The following PLD3 variants were observed in gnomAD, a reference collection of about 807,000 sequenced individuals.
The protein encoded by PLD3 is phospholipase D family member 3, also known as 5'-3' exonuclease PLD3.
PLD3 carries 31 observed loss-of-function variants against 58.4 expected under a neutral mutation model. That is an observed-to-expected ratio of 0.53 (90% CI 0.40 to 0.72). The LOEUF (loss-of-function observed/expected upper bound fraction) is 0.72. PLD3 is among the 30% of genes least tolerant of loss of function. PLD3 has a pLI of 0.00. For missense variants in PLD3, 595 were observed against 659.8 expected, an observed-to-expected ratio of 0.90 and a Z score of 1.08; for synonymous variants, 264 against 273.4, an observed-to-expected ratio of 0.97 and a Z score of 0.34.
In PLD3 at chr19:40,367,737, C is replaced by T. The variant is rs1362848241; in HGVS notation, c.287C>T (p.Pro96Leu). 3.1e-6 allele frequency: 5 copies of T among 1,613,812 alleles called. No individual in the cohort carries two copies. Among genetic ancestry groups the T allele is most frequent in the East Asian group, 2.2e-5 (1 of 44,864 alleles). Reference protein sequence around the residue: ...VESIPEGLDFPNASTGNPSTS... With the variant: ...VESIPEGLDFLNASTGNPSTS... ...AGCATTCCTGAGGGCCTGGACTTCC[C>T]CAATGCCTCCACGGGGAACCCTTCC... is the stretch of plus-strand genomic sequence containing the variant. The change falls in exon 6 of 13, where the codon CCC becomes CTC. Residue 96 changes from proline (P) to leucine (L), a missense_variant. Pro to Leu is a moderately conservative substitution (Grantham distance 98). Coordinates refer to ENST00000409735, the MANE Select transcript of PLD3 (RefSeq NM_012268.4).
Position 40,367,827 on chromosome 19 carries a change from A to G in PLD3, c.377A>G (p.Tyr126Cys), listed in dbSNP as rs2078967748. 6.3e-7 allele frequency: 1 copy of G among 1,591,322 alleles called. No homozygotes were observed. The highest frequency in any genetic ancestry group is 8.5e-7 in the Non-Finnish European group (1 of 1,169,994). ...AGCAGCCTGGACATCGCCTCCTTCT[A>G]CTGGACCCTCACCAACAATGACACC... ...AHSSLDIASF[Y>C]WTLTNNDTHT... The change falls in exon 6 of 13, where the codon TAC (tyrosine) becomes TGC (cysteine). Residue 126 changes from tyrosine (Y) to cysteine (C), a missense_variant. Transcript: ENST00000409735.
intron 6 of PLD3, 96 bp from the exon 7 acceptor site, chr19:40,369,812 T>G: frequency 8.5e-7 from 1 of 1,174,262 alleles, no homozygotes; most frequent in Non-Finnish European, 1.2e-6. Context: ...GTCTGTTTAC[T>G]CCTAATCATG....
intron 6 of PLD3, among the ~76,000 whole-genome samples, chr19:40,368,097 G>T (rs2078974383): frequency 6.6e-6 from 1 of 152,168 alleles, no homozygotes; most frequent in African/African-American, 2.4e-5. Context: ...ATGTCAGGGT[G>T]CGGGTTTGGT....
rs375064013 is a variant in PLD3 at position 40,373,609 on chromosome 19, G to T, written c.880-872G>T. ...AAAAAAGGGGGGGAAGCGGGGGAGC[G>T]GGGGAACTGGGAAGAGGGCCTGGTG... On this transcript the variant is annotated intron_variant, in intron 9 of 12. Transcript: ENST00000409735. Among the ~76,000 whole-genome samples, 11 of 151,100 alleles carry T rather than the reference G, an allele frequency of 7.3e-5. No individual in the cohort carries two copies. In the South Asian group the frequency reaches 2.3e-3, roughly 32 times the overall value.
Position 40,371,680 on chromosome 19 carries a change from A to C in PLD3, c.686A>C (p.Glu229Ala). Reference protein sequence around the residue: ...MDWRSLTQVKELGVVMYNCSC... With the variant: ...MDWRSLTQVKALGVVMYNCSC... The stretch of plus-strand genomic sequence containing the variant: ...AGCACTGCCCTCCTACAGGTCAAGG[A>C]GCTGGGCGTGGTCATGTACAACTGC... Residue 229 changes from glutamate (E) to alanine (A), a missense_variant, in exon 9 of 13, where the codon GAG (glutamate) becomes GCG (alanine). Physicochemically the swap from Glu to Ala is moderately radical, Grantham distance 107 (BLOSUM62 -1). Transcript: ENST00000409735. 1.2e-6 allele frequency: 2 copies of C among 1,612,658 alleles called. No individual in the cohort carries two copies. Among genetic ancestry groups the C allele is most frequent in the South Asian group, 1.1e-5 (1 of 90,990 alleles).
chr19:40,353,978 C>G (rs1208334946), intron 1 of PLD3, among the ~76,000 whole-genome samples: 1 of 151,504 alleles, frequency 6.6e-6, no homozygotes, highest in Admixed American at 6.6e-5. Flanking sequence ...AACTGCAGAC[C>G]AAGCTCCCAG....
intron 1 of PLD3, among the ~76,000 whole-genome samples, chr19:40,350,272 A>C (rs967941421): frequency 6.6e-6 from 1 of 151,776 alleles, no homozygotes; most frequent in Non-Finnish European, 1.5e-5. Context: ...AAAAAAAAAA[A>C]AAAAAAAAAA....
chr19:40,354,717 G>A (rs1004329316), intron 1 of PLD3, among the ~76,000 whole-genome samples: 3 of 151,512 alleles, frequency 2.0e-5, no homozygotes, highest in African/African-American at 7.3e-5. Context: ...ACAGAGACAG[G>A]GTTTCGCCAT....
intron 1 of PLD3, chr19:40,360,494 C>G (rs2078753378): frequency 6.6e-6 from 1 of 151,550 alleles, no homozygotes; most frequent in Non-Finnish European, 1.5e-5. Flanking sequence ...TGCCTGTAAT[C>G]CCAGCACTTT....
chr19:40,373,446 G>A (rs1468428846), intron 9 of PLD3, among the ~76,000 whole-genome samples: 2 of 151,956 alleles, frequency 1.3e-5, no homozygotes, highest in African/African-American at 4.8e-5. Context: ...GAGGGGTGGC[G>A]GGCACCTGTA....
intron 1 of PLD3, among the ~76,000 whole-genome samples, chr19:40,355,059 G>C (rs1421573001): frequency 1.3e-5 from 2 of 151,456 alleles, no homozygotes; most frequent in Non-Finnish European, 2.9e-5. Context: ...GGCTGGTCTC[G>C]AACTCCTTAC....
chr19:40,365,226 G>A (rs1398711260), intron 1 of PLD3, among the ~76,000 whole-genome samples: 1 of 152,196 alleles, frequency 6.6e-6, no homozygotes, highest in Non-Finnish European at 1.5e-5. Flanking sequence ...AGGGATGAGA[G>A]AGGAAAGGGG....
In PLD3 at chr19:40,366,910, T is replaced by C; in HGVS notation, c.240T>C (p.Pro80=). ...AGCGCCCAGCCCCCTGCTATGACCC[T>C]TGCGAGTAAGTGGGGGGTGCTGCAG... ...PNQRPAPCYD[P]CEAVLVESIP... Residue 80 remains proline, a synonymous_variant, in exon 5 of 13, where the codon CCT becomes CCC. Transcript: ENST00000409735. The C allele has an allele frequency of 6.3e-7, 1 of 1,599,754 alleles. No homozygotes were observed. Among genetic ancestry groups the C allele is most frequent in the Non-Finnish European group, 8.5e-7 (1 of 1,172,248 alleles).
chr19:40,376,369 A>AAG, intron 10 of PLD3: 1 of 462,244 alleles, frequency 2.2e-6, no homozygotes, highest in Non-Finnish European at 3.8e-6. Context: ...AAAAAAAAGA[A>AAG]AGAATAAAAG....
intron 1 of PLD3, among the ~76,000 whole-genome samples, chr19:40,363,426 G>A (rs2078835880): frequency 6.6e-6 from 1 of 151,992 alleles, no homozygotes; most frequent in African/African-American, 2.4e-5. Context: ...TTGTTTGTTT[G>A]TTTGTTTGTT....
chr19:40,366,951 C>T (rs1346587327), intron 5 of PLD3, 36 bp downstream of exon 5: 12 of 1,566,974 alleles, frequency 7.7e-6, no homozygotes, highest in Non-Finnish European at 1.0e-5. Flanking sequence ...GGGGGAGGGG[C>T]CTGCCAGACC....
At chr19:40,370,337 A>G in intron 8 of PLD3, 100 bp downstream of exon 8, 1 of 1,345,682 alleles carries the variant, frequency 7.4e-7, no homozygotes, top group Non-Finnish European at 1.0e-6. Flanking sequence ...AGTCCTCTCC[A>G]CCCATTCTCT....
chr19:40,365,778 G>GGGCACGCACTGC lies in PLD3; in HGVS notation c.-216_-205dup, dbSNP rs2078904006. On this transcript the variant is annotated 5_prime_UTR_variant, in exon 2 of 13. Transcript: ENST00000409735. ...TTCTCGCTGCGGTGAGCCCGGACTG[G>GGGCACGCACTGC]GGCACGCACTGCGCAGACTCCCCGC... The GGGCACGCACTGC allele has an allele frequency of 6.5e-6, 1 of 152,878 alleles. No individual in the cohort carries two copies. Among genetic ancestry groups the GGGCACGCACTGC allele is most frequent in the Admixed American group, 6.5e-5 (1 of 15,330 alleles). 9.5% of individuals were successfully genotyped at this position (152,878 alleles called of 1,614,324 possible). A position where few individuals can be genotyped will look rare whatever the true frequency, so the allele number is the denominator to read the frequency against.
rs773898715 is a variant in PLD3 at position 40,378,258 on chromosome 19, C to G, written c.*85C>G. The G allele has an allele frequency of 1.6e-6, 2 of 1,239,430 alleles. No individual in the cohort carries two copies. The highest frequency in any genetic ancestry group is 2.3e-6 in the Non-Finnish European group (2 of 852,288). The allele number at this position is 1,239,430 out of a possible 1,614,324, so 76.8% of individuals were successfully genotyped here. A position where few individuals can be genotyped will look rare whatever the true frequency, so the allele number is the denominator to read the frequency against. ...GTCACGGTCCCTGTCCCCGCGCCCCCGCTTCTGTCTGCCCCATTGTGGCTC... is the reference window on the plus strand; with the variant it reads ...GTCACGGTCCCTGTCCCCGCGCCCCGGCTTCTGTCTGCCCCATTGTGGCTC... On this transcript the variant is annotated 3_prime_UTR_variant, in exon 13 of 13. Coordinates refer to ENST00000409735, the MANE Select transcript of PLD3 (RefSeq NM_012268.4).
Sources: gnomAD v4.1 joint callset for allele counts (sites outside exome capture counted in the v4.1 genomes callset) on GRCh38, gnomAD v4.1.1 for gene constraint, MANE v1.5 for transcripts, NCBI Gene and HGNC (gene_info 2026-07-23, HGNC 2026-07-21) for gene names.